The following SMPD3 variants were observed in gnomAD, a reference collection of about 807,000 sequenced individuals.
SMPD3 encodes the protein nSMase-2.
A neutral mutation model predicts 55.7 loss-of-function variants in SMPD3; 21 were observed. The ratio of observed to expected loss-of-function variants is 0.38; its 90% confidence interval spans 0.27 to 0.54. The LOEUF (loss-of-function observed/expected upper bound fraction) is 0.54, where lower values mean the gene tolerates loss of function less well. SMPD3 is among the 20% of genes least tolerant of loss of function. The pLI is 0.80. For missense variants in SMPD3, 842 were observed against 899.6 expected, an observed-to-expected ratio of 0.94 and a Z score of 0.82; for synonymous variants, 457 against 404.3, an observed-to-expected ratio of 1.13 and a Z score of -1.56.
chr16:68,385,086 C>T (rs2090028625), intron 2 of SMPD3, among the ~76,000 whole-genome samples: 1 of 152,196 alleles, frequency 6.6e-6, no homozygotes, highest in Non-Finnish European at 1.5e-5. Context: ...CGTCACCCAG[C>T]ACCTCAGAGA....
At position 68,447,668 on chromosome 16, in the gene SMPD3, G is replaced by C. The variant is rs1478447695; in HGVS notation, c.-269+685C>G. ...GAAGGATGGGGAGGGGTCTCCCAGC[G>C]TTTCCCTGCCACATTCCAATTCCAC... On this transcript the variant is annotated intron_variant, in intron 1 of 8. Coordinates refer to ENST00000219334, the MANE Select transcript of SMPD3 (RefSeq NM_018667.4). This position sits in a 1 kb window ranked among gnomAD's most constrained non-coding sequence, Gnocchi z 5.1. Among the ~76,000 whole-genome samples the C allele has an allele frequency of 6.6e-6, 1 of 151,322 alleles. No homozygotes were observed. Among genetic ancestry groups the C allele is most frequent in the Non-Finnish European group, 1.5e-5 (1 of 67,804 alleles).
chr16:68,419,575 T>G (rs1271084820), intron 1 of SMPD3, among the ~76,000 whole-genome samples: 1 of 152,222 alleles, frequency 6.6e-6, no homozygotes, highest in Admixed American at 6.5e-5. Flanking sequence ...ACACATTTCC[T>G]TGCATCTCCA....
Position 68,376,320 on chromosome 16 carries a change from C to T in SMPD3, c.-206-3933G>A, listed in dbSNP as rs781713252. ...GTGCCTGTCCCCTTCCTGTTGCCTG[C>T]GCTCCTTTGGCCTAGTTGGGCCATT... On this transcript the variant is annotated intron_variant, in intron 2 of 8. Coordinates refer to ENST00000219334, the MANE Select transcript of SMPD3 (RefSeq NM_018667.4). 4.6e-5 allele frequency among the ~76,000 whole-genome samples: 7 copies of T among 152,222 alleles called. No homozygotes were observed. The South Asian group carries it at 6.2e-4, about 13-fold the overall frequency.
At chr16:68,429,627 G>T (rs1443765464) in intron 1 of SMPD3, among the ~76,000 whole-genome samples, 1 of 152,194 alleles carries the variant, frequency 6.6e-6, no homozygotes, top group Non-Finnish European at 1.5e-5. Flanking sequence ...AGCTGGGGAG[G>T]GGTGGGGTTG....
chr16:68,361,865 GT>G, intron 7 of SMPD3, 106 bp from the exon 8 acceptor site: 14 of 1,186,564 alleles, frequency 1.2e-5, no homozygotes, highest in East Asian at 3.2e-5. Context: ...GAGCGGGTGG[GT>G]GGGACCAAAG....
At chr16:68,365,888 C>G (rs1033324739) in intron 3 of SMPD3, among the ~76,000 whole-genome samples, 1 of 152,194 alleles carries the variant, frequency 6.6e-6, no homozygotes, top group Non-Finnish European at 1.5e-5. Context: ...TTCATAACTG[C>G]CCTACCCCAG....
intron 1 of SMPD3, among the ~76,000 whole-genome samples, chr16:68,387,482 C>T (rs928303548): frequency 1.3e-5 from 2 of 152,158 alleles, no homozygotes; most frequent in African/African-American, 4.8e-5. Context: ...CCACTAGTCC[C>T]GCCCCTGGCC....
chr16:68,418,058 C>T (rs1036579645), intron 1 of SMPD3, among the ~76,000 whole-genome samples: 6 of 152,150 alleles, frequency 3.9e-5, no homozygotes, highest in Non-Finnish European at 8.8e-5. Flanking sequence ...TTTATAAAAT[C>T]CTGTGCTCTC....
Position 68,371,664 on chromosome 16 carries a change from G to A in SMPD3, c.518C>T (p.Ser173Phe). 6.4e-7 allele frequency: 1 copy of A among 1,567,484 alleles called. No homozygotes were observed. Among genetic ancestry groups the A allele is most frequent in the Non-Finnish European group, 8.6e-7 (1 of 1,157,358 alleles). The change falls in exon 3 of 9, where the codon TCC becomes TTC. Residue 173 changes from serine to phenylalanine, a missense_variant. Coordinates refer to ENST00000219334, the MANE Select transcript of SMPD3 (RefSeq NM_018667.4). ...ARPQIKIYID[S>F]PTNTSISAAS... ...GGCGCTGATGGAGGTATTGGTGGGGGAGTCGATGTAAATTTTGATCTGGGG... is the reference window on the plus strand; with the variant it reads ...GGCGCTGATGGAGGTATTGGTGGGGAAGTCGATGTAAATTTTGATCTGGGG...
At chr16:68,374,828 C>T (rs1213192977) in intron 2 of SMPD3, among the ~76,000 whole-genome samples, 1 of 152,198 alleles carries the variant, frequency 6.6e-6, no homozygotes, top group Non-Finnish European at 1.5e-5. Flanking sequence ...CCACAGGCAC[C>T]TGTCTCTGGT....
intron 1 of SMPD3, among the ~76,000 whole-genome samples, chr16:68,413,412 C>G (rs908588290): frequency 6.6e-6 from 1 of 152,256 alleles, no homozygotes; most frequent in Non-Finnish European, 1.5e-5. Flanking sequence ...GAGGAAGGGA[C>G]TGGCTCACCT....
chr16:68,375,303 C>T (rs1015889475), intron 2 of SMPD3, among the ~76,000 whole-genome samples: 2 of 96,374 alleles, frequency 2.1e-5, no homozygotes, highest in Non-Finnish European at 4.2e-5. Flanking sequence ...GCTTTTCCCT[C>T]ATCCACCCCC....
In SMPD3 at chr16:68,365,059, T is replaced by G; in HGVS notation, c.1357A>C (p.Ile453Leu). The G allele has an allele frequency of 6.2e-7, 1 of 1,614,050 alleles. No homozygotes were observed. The highest frequency in any genetic ancestry group is 1.1e-5 in the South Asian group (1 of 91,084). ...TGTGTGCAGGCGATGTACCCGACGATTCTTTGGTCCTGAGGTGTGCTTCCC... is the reference window on the plus strand; with the variant it reads ...TGTGTGCAGGCGATGTACCCGACGAGTCTTTGGTCCTGAGGTGTGCTTCCC... ...QVGSTPQDQRIVGYIACTHLH... is the reference protein window; with the variant it reads ...QVGSTPQDQRLVGYIACTHLH... Residue 453 changes from isoleucine to leucine, a missense_variant, in exon 4 of 9, where the codon ATC (isoleucine) becomes CTC (leucine). Coordinates refer to ENST00000219334, the MANE Select transcript of SMPD3 (RefSeq NM_018667.4).
At chr16:68,442,974 G>A (rs1050257887) in intron 1 of SMPD3, among the ~76,000 whole-genome samples, 2 of 152,206 alleles carry the variant, frequency 1.3e-5, no homozygotes, top group African/African-American at 4.8e-5. Context: ...TGGAGACTCA[G>A]CTTGATATGA....
intron 2 of SMPD3, chr16:68,382,031 A>C (rs1288287818): frequency 6.6e-6 from 1 of 152,214 alleles, no homozygotes; most frequent in Non-Finnish European, 1.5e-5. Context: ...TGGCCTAAAA[A>C]AGTCCATTCC....
intron 3 of SMPD3, chr16:68,368,912 T>C (rs567318944): frequency 6.6e-6 from 1 of 152,246 alleles, no homozygotes; most frequent in Non-Finnish European, 1.5e-5. Context: ...CTGTGAAATA[T>C]CTTGATTTTA....
intron 1 of SMPD3, among the ~76,000 whole-genome samples, chr16:68,430,140 C>T (rs1450978581): frequency 1.4e-5 from 2 of 141,760 alleles, no homozygotes; most frequent in African/African-American, 5.3e-5. Context: ...GAGGTGGTAC[C>T]CAAGGTCAGC....
intron 2 of SMPD3, among the ~76,000 whole-genome samples, chr16:68,378,707 G>A (rs1437551703): frequency 6.6e-6 from 1 of 152,078 alleles, no homozygotes; most frequent in Non-Finnish European, 1.5e-5. Flanking sequence ...GAGCCACCCA[G>A]GCCACTCAGC....
At chr16:68,393,849 C>T (rs1173613706) in intron 1 of SMPD3, among the ~76,000 whole-genome samples, 2 of 152,128 alleles carry the variant, frequency 1.3e-5, no homozygotes, top group Non-Finnish European at 2.9e-5. Context: ...TTTGCTTTCC[C>T]CTACTTGCAG....
Sources: allele counts gnomAD v4.1 joint callset (sites outside exome capture counted in the v4.1 genomes callset), GRCh38; gene constraint gnomAD v4.1.1; non-coding constraint Gnocchi (gnomAD v3.1); transcripts MANE v1.5; gene names NCBI Gene and HGNC (gene_info 2026-07-23, HGNC 2026-07-21).